Variants in CD8B2 observed in about 807,000 individuals in gnomAD.
CD8B2 encodes CD8B family member 2, also known as T-cell surface glycoprotein CD8 beta-2 chain.
Under a neutral mutation model 23.7 loss-of-function variants are expected in CD8B2, and 11 were observed. The ratio of observed to expected loss-of-function variants is 0.46; its 90% CI spans 0.29 to 0.77. The LOEUF (loss-of-function observed/expected upper bound fraction) is 0.77. Ranked by LOEUF, CD8B2 falls within the 30% of genes least tolerant of loss-of-function variation. CD8B2 has a pLI of 0.09. For missense variants in CD8B2, 197 were observed against 270.5 expected, an observed-to-expected ratio of 0.73 and a Z score of 1.91; for synonymous variants, 90 against 109.3, an observed-to-expected ratio of 0.82 and a Z score of 1.10.
At chr2:106,511,960 T>C (rs995974307), downstream of CD8B2, among the ~76,000 whole-genome samples, 1 of 152,360 alleles carries the variant, frequency 6.6e-6, no homozygotes. Context: ...ACAGTACTGT[T>C]GGCTCTCCTG....
chr2:106,501,500 G>A (rs1027659305), intron 3 of CD8B2, among the ~76,000 whole-genome samples: 7 of 152,060 alleles, frequency 4.6e-5, no homozygotes, highest in African/African-American at 1.7e-4. Context: ...TGGCCAACGT[G>A]GTGAAACCCC....
At chr2:106,505,250 C>A (rs1419630128) in intron 5 of CD8B2, among the ~76,000 whole-genome samples, 1 of 152,210 alleles carries the variant, frequency 6.6e-6, no homozygotes, top group African/African-American at 2.4e-5. Flanking sequence ...CTTAGAACAA[C>A]CCCCTCTATA....
Position 106,490,895 on chromosome 2 carries a change from T to C in CD8B2, c.65T>C (p.Leu22Pro). ...QLTVLHGNSV[L>P]QQTPAYIKVQ... The stretch of plus-strand genomic sequence containing the variant: ...CTAGTTCTCCATGGCAACTCAGTCC[T>C]CCAGCAGACCCCTGCATACATAAAG... The change falls in exon 2 of 6, where the codon CTC becomes CCC. Residue 22 changes from leucine (L) to proline (P), a missense_variant. Physicochemically the swap from Leu to Pro is moderately conservative, Grantham distance 98. Transcript: ENST00000643224. The C allele has an allele frequency of 6.3e-7, 1 of 1,584,378 alleles. No individual in the cohort carries two copies. The highest frequency in any genetic ancestry group is 8.6e-7 in the Non-Finnish European group (1 of 1,164,718).
intron 2 of CD8B2, among the ~76,000 whole-genome samples, chr2:106,491,831 G>A (rs1464684237): frequency 6.6e-6 from 1 of 152,180 alleles, no homozygotes; most frequent in Non-Finnish European, 1.5e-5. Flanking sequence ...TTACAGGCGT[G>A]AGCCACCGTG....
intron 5 of CD8B2, among the ~76,000 whole-genome samples, chr2:106,540,240 A>T (rs1680151454): frequency 6.6e-6 from 1 of 152,236 alleles, no homozygotes; most frequent in Admixed American, 6.5e-5. Context: ...TGGTCTCAAG[A>T]TGAGTGTTGG....
chr2:106,526,576 G>A (rs1273511925), intron 5 of CD8B2, among the ~76,000 whole-genome samples: 2 of 152,188 alleles, frequency 1.3e-5, no homozygotes, highest in African/African-American at 2.4e-5. Context: ...TTGTATACAC[G>A]TTGTAGCACC....
chr2:106,541,806 G>C (rs938278093), intron 5 of CD8B2, among the ~76,000 whole-genome samples: 1 of 152,228 alleles, frequency 6.6e-6, no homozygotes, highest in Non-Finnish European at 1.5e-5. Flanking sequence ...AAAGTCACTG[G>C]AATAGAGAAC....
At position 106,517,907 on chromosome 2, in the gene CD8B2, G is replaced by T. The variant is rs979186474; in HGVS notation, c.620+13582G>T. ...TTTTTTGTAATTTTAGTAGAGACGG[G>T]GTTTCACCGTGTTAGCCAGGATGGT... On this transcript the variant is annotated intron_variant, in intron 5 of 5. Coordinates refer to the CD8B2 transcript ENST00000416057. Among the ~76,000 whole-genome samples the T allele has an allele frequency of 3.3e-5, 5 of 152,044 alleles. 1 individual carries two copies. Among genetic ancestry groups the T allele is most frequent in the East Asian group, 3.9e-4 (2 of 5,158 alleles).
At chr2:106,525,939 C>A (rs1482183963) in intron 5 of CD8B2, among the ~76,000 whole-genome samples, 1 of 152,124 alleles carries the variant, frequency 6.6e-6, no homozygotes, top group East Asian at 1.9e-4. Flanking sequence ...ATAAAATACA[C>A]TTTTTTTAAA....
chr2:106,542,674 GTATATATTATATATGAAA>G lies in CD8B2; in HGVS notation c.621-1292_621-1275del, dbSNP rs1226073618. 8.4e-4 allele frequency among the ~76,000 whole-genome samples: 123 copies of G among 147,036 alleles called. 1 individual carries two copies. The highest frequency in any genetic ancestry group is 3.6e-3 in the Middle Eastern group (1 of 280). On this transcript the variant is annotated intron_variant, in intron 5 of 5. Coordinates refer to the CD8B2 transcript ENST00000416057. ...TATATAGGTATATATTATATATGAA[GTATATATTATATATGAAA>G]TATATATTATATATGAAATATATAT... is the stretch of plus-strand genomic sequence containing the variant.
chr2:106,532,826 G>T (rs1204201097), intron 5 of CD8B2, among the ~76,000 whole-genome samples: 4 of 152,250 alleles, frequency 2.6e-5, no homozygotes, highest in African/African-American at 9.6e-5. Context: ...TGTTTTACCA[G>T]CAAGATCTTT....
At chr2:106,538,476 A>C (rs1344631644) in intron 5 of CD8B2, among the ~76,000 whole-genome samples, 1 of 152,118 alleles carries the variant, frequency 6.6e-6, no homozygotes, top group Admixed American at 6.5e-5. Flanking sequence ...TACTATTAGC[A>C]GTGATTAAAA....
At chr2:106,496,094 G>A (rs1325855659) in intron 2 of CD8B2, 79 bp from the exon 3 acceptor site, 6 of 1,549,184 alleles carry the variant, frequency 3.9e-6, no homozygotes, top group South Asian at 1.2e-5. Context: ...CACCGCACCC[G>A]GCCATAAGAC....
chr2:106,525,158 A>G (rs575563080), intron 5 of CD8B2, among the ~76,000 whole-genome samples: 1 of 152,278 alleles, frequency 6.6e-6, no homozygotes, highest in Admixed American at 6.5e-5. Context: ...GGAGTCTCCC[A>G]CAGTGGGAGA....
intron 3 of CD8B2, among the ~76,000 whole-genome samples, chr2:106,500,560 A>ATAAATAATTAATTAAT (rs370350218): frequency 1.2e-3 from 144 of 119,022 alleles, no homozygotes; most frequent in East Asian, 7.3e-3. Flanking sequence ...AAATAAATAA[A>ATAAATAATTAATTAAT]TAATTAAAAA....
At chr2:106,526,922 G>A (rs916524638) in intron 5 of CD8B2, among the ~76,000 whole-genome samples, 4 of 152,300 alleles carry the variant, frequency 2.6e-5, no homozygotes, top group African/African-American at 4.8e-5. Context: ...GATTACAGGC[G>A]TGAGCCATGG....
chr2:106,503,096 T>C (rs13414729), intron 4 of CD8B2, among the ~76,000 whole-genome samples: 142,513 of 144,856 alleles, frequency 0.98, 70,153 homozygotes, highest in East Asian at 1. Context: ...ACTGGACTGT[T>C]TCCTTCTATG....
At chr2:106,489,539 C>T (rs1679151334) in intron 1 of CD8B2, among the ~76,000 whole-genome samples, 2 of 152,174 alleles carry the variant, frequency 1.3e-5, no homozygotes, top group Non-Finnish European at 2.9e-5. Context: ...CTGTGCCTCC[C>T]AACTCCTGCG....
chr2:106,539,779 TAAG>T (rs947890858), intron 5 of CD8B2, among the ~76,000 whole-genome samples: 2 of 152,106 alleles, frequency 1.3e-5, no homozygotes, highest in African/African-American at 4.8e-5. Flanking sequence ...GCTGATAAAA[TAAG>T]AACAGAATCT....
Sources: gnomAD v4.1 joint callset for allele counts (sites outside exome capture counted in the v4.1 genomes callset) on GRCh38, gnomAD v4.1.1 for gene constraint, MANE v1.5 for transcripts, NCBI Gene and HGNC (gene_info 2026-07-23, HGNC 2026-07-21) for gene names.